Variants in FIBP observed in about 807,000 individuals in gnomAD.
FIBP encodes FGF1 intracellular binding protein, also known as acidic fibroblast growth factor intracellular-binding protein.
A neutral mutation model predicts 40.5 loss-of-function variants in FIBP; 29 were observed. The ratio of observed to expected loss-of-function variants is 0.72; its 90% CI spans 0.53 to 0.98. The LOEUF (loss-of-function observed/expected upper bound fraction) is 0.98, where lower values mean the gene tolerates loss of function less well. Ranked by LOEUF, FIBP falls within the 50% of genes least tolerant of loss-of-function variation. The pLI, the probability that FIBP is intolerant of heterozygous loss-of-function variation, is 0.00. For missense variants in FIBP, 411 were observed against 470.2 expected, an observed-to-expected ratio of 0.87 and a Z score of 1.16; for synonymous variants, 215 against 191.1, an observed-to-expected ratio of 1.13 and a Z score of -1.03.
rs1273506596 is a variant in FIBP at position 65,888,440 on chromosome 11, G to A, written c.-22C>T. The A allele has an allele frequency of 1.3e-6, 2 of 1,548,504 alleles. No individual in the cohort carries two copies. Among genetic ancestry groups the A allele is most frequent in the South Asian group, 1.2e-5 (1 of 84,516 alleles). ...TCATGGCGACGCCCGGGGCCGCAGCGCCCCGAGCAGGAGCGAGCACTGCTC... is the reference window on the plus strand; with the variant it reads ...TCATGGCGACGCCCGGGGCCGCAGCACCCCGAGCAGGAGCGAGCACTGCTC... On this transcript the variant is annotated 5_prime_UTR_variant, in exon 1 of 10. Coordinates refer to ENST00000357519, the MANE Select transcript of FIBP (RefSeq NM_004214.5).
In FIBP at chr11:65,885,367, GGTGT is replaced by G. The variant is rs1184915076; in HGVS notation, c.646+159_646+162del. The stretch of plus-strand genomic sequence containing the variant: ...CAATGGGCCCTTTGTCTGCAGACAA[GGTGT>G]GTGTGGGGAAAACATTCTATGGGCA... On this transcript the variant is annotated intron_variant, in intron 5 of 9. Transcript: ENST00000357519. The G allele has an allele frequency of 7.3e-6, 7 of 952,608 alleles. No homozygotes were observed. In the South Asian group the frequency reaches 9.1e-5, roughly 12 times the overall value. The allele number at this position is 952,608 out of a possible 1,614,324, so 59.0% of individuals were successfully genotyped here.
At chr11:65,884,118 C>A in intron 9 of FIBP, 75 bp from the exon 10 acceptor site, 2 of 1,168,622 alleles carry the variant, frequency 1.7e-6, no homozygotes, top group South Asian at 2.6e-5. Flanking sequence ...TGCGTGCTTT[C>A]TACACCTTCA....
intron 4 of FIBP, chr11:65,885,998 T>A (rs779842290): frequency 6.8e-6 from 3 of 442,300 alleles, no homozygotes; most frequent in Non-Finnish European, 1.2e-5. Context: ...TGAATCCAGG[T>A]CAGTCTGGTC....
In FIBP at chr11:65,885,446, G is replaced by A. The variant is rs1404196782; in HGVS notation, c.646+84C>T. ...AACAGGAGCGGATGCCAGGAACTGA[G>A]GGCCTGTGGGAGAAACTACTGGTGG... On this transcript the variant is annotated intron_variant, in intron 5 of 9. Transcript: ENST00000357519. 7 of 1,526,618 alleles carry A rather than the reference G, an allele frequency of 4.6e-6. No individual in the cohort carries two copies. In the East Asian group the frequency reaches 6.8e-5, roughly 15 times the overall value. The allele number at this position is 1,526,618 out of a possible 1,614,324, so 94.6% of individuals were successfully genotyped here.
rs749835436 is a variant in FIBP, at chr11:65,886,313, G to C, written c.512+9C>G. 2.8e-5 allele frequency: 44 copies of C among 1,599,368 alleles called. No individual in the cohort carries two copies. The highest frequency in any genetic ancestry group is 3.6e-5 in the Non-Finnish European group (42 of 1,167,036). On this transcript the variant is annotated intron_variant, in intron 4 of 9. Coordinates refer to ENST00000357519, the MANE Select transcript of FIBP (RefSeq NM_004214.5). The stretch of plus-strand genomic sequence containing the variant: ...AGTGTGCGGGATGGGGAGGTGGCTA[G>C]CTCCTCACCTGGCCAACCGGTCAGA...
rs764395124 is a variant in FIBP at position 65,883,955 on chromosome 11, C to A, written c.*19G>T. 1 of 1,611,440 alleles carries A rather than the reference C, an allele frequency of 6.2e-7. No individual in the cohort carries two copies. Among genetic ancestry groups the A allele is most frequent in the African/African-American group, 1.3e-5 (1 of 74,976 alleles). Reference sequence around the variant, plus strand: ...AGAGCAACTTTATTGTCAGCGTGGGCGGAGCGTTGGGAGGCACCTCAGTCA... The same window carrying A: ...AGAGCAACTTTATTGTCAGCGTGGGAGGAGCGTTGGGAGGCACCTCAGTCA... On this transcript the variant is annotated 3_prime_UTR_variant, in exon 10 of 10. Transcript: ENST00000357519.
intron 6 of FIBP, 28 bp downstream of exon 6, chr11:65,885,050 C>A: frequency 6.2e-7 from 1 of 1,613,740 alleles, no homozygotes; most frequent in Non-Finnish European, 8.5e-7. Flanking sequence ...TACTGCAGGC[C>A]CCGCCCCATG....
rs191868502 is a variant in FIBP, at chr11:65,885,753, T to A, written c.513-90A>T. On this transcript the variant is annotated intron_variant, in intron 4 of 9. Transcript: ENST00000357519. ...TGCAACCTCAGCTGGGTGTCCGAGTTCTGGCCTCTCTCTGCCTCAAGTCAC... is the reference window on the plus strand; with the variant it reads ...TGCAACCTCAGCTGGGTGTCCGAGTACTGGCCTCTCTCTGCCTCAAGTCAC... The A allele has an allele frequency of 7.3e-5, 95 of 1,296,770 alleles. No homozygotes were observed. The African/African-American group carries it at 1.1e-3, about 15-fold the overall frequency. 80.3% of individuals were successfully genotyped at this position (1,296,770 alleles called of 1,614,324 possible). A position where few individuals can be genotyped will look rare whatever the true frequency, so the allele number is the denominator to read the frequency against.
At chr11:65,884,695 C>T (rs1328349422) in intron 7 of FIBP, 39 bp from the exon 8 acceptor site, 1 of 1,604,546 alleles carries the variant, frequency 6.2e-7, no homozygotes, top group South Asian at 1.1e-5. Context: ...CTTTCTGCCC[C>T]AGAAGTTGGC....
intron 2 of FIBP, 48 bp downstream of exon 2, chr11:65,887,886 T>G: frequency 6.3e-7 from 1 of 1,598,284 alleles, no homozygotes; most frequent in Non-Finnish European, 8.6e-7. Context: ...GCAAAATGGG[T>G]ATACAGTCAG....
In FIBP at chr11:65,886,290, T is replaced by A. The variant is rs376351590; in HGVS notation, c.512+32A>T. 6 of 1,465,044 alleles carry A rather than the reference T, an allele frequency of 4.1e-6. No individual in the cohort carries two copies. In the African/African-American group the frequency reaches 8.4e-5, roughly 20 times the overall value. 90.8% of individuals were successfully genotyped at this position (1,465,044 alleles called of 1,614,324 possible). Reference sequence around the variant, plus strand: ...ACGAGCCTCCGGGCCCAGGAAGTAGTGTGCGGGATGGGGAGGTGGCTAGCT... The same window carrying A: ...ACGAGCCTCCGGGCCCAGGAAGTAGAGTGCGGGATGGGGAGGTGGCTAGCT... On this transcript the variant is annotated intron_variant, in intron 4 of 9. Coordinates refer to ENST00000357519, the MANE Select transcript of FIBP (RefSeq NM_004214.5).
In FIBP at chr11:65,888,074, C is replaced by T; in HGVS notation, c.144G>A (p.Thr48=). ...RSGILEQTGA[T]AAVLQSDTMD... ...TGGTGTCGCTCTGCAGCACCGCTGC[C>T]GTGGCGCCAGTCTGCTCCAGGATTC... is the stretch of plus-strand genomic sequence containing the variant. Residue 48 remains threonine, a synonymous_variant, in exon 2 of 10, where the codon ACG becomes ACA. Transcript: ENST00000357519. The T allele has an allele frequency of 6.2e-7, 1 of 1,606,842 alleles. No homozygotes were observed.
chr11:65,886,648 C>G (rs1174819712), intron 3 of FIBP: 3 of 503,074 alleles, frequency 6.0e-6, no homozygotes, highest in African/African-American at 5.8e-5. Flanking sequence ...TAAATGTTTA[C>G]TCAATCTTAT....
chr11:65,887,254 T>C, intron 3 of FIBP: 1 of 363,112 alleles, frequency 2.8e-6, no homozygotes, highest in Non-Finnish European at 5.4e-6. Context: ...AAGACAAGCC[T>C]GGCCAACATG....
In FIBP at chr11:65,883,860, C is replaced by G. The variant is rs1860155520; in HGVS notation, c.*114G>C. On this transcript the variant is annotated 3_prime_UTR_variant, in exon 10 of 10. Coordinates refer to ENST00000357519, the MANE Select transcript of FIBP (RefSeq NM_004214.5). ...TCCTTGTACACGGACACCAGGTGCTCAGAGACAGACACAGGCACATCTGCA... is the reference window on the plus strand; with the variant it reads ...TCCTTGTACACGGACACCAGGTGCTGAGAGACAGACACAGGCACATCTGCA... The G allele has an allele frequency of 1.1e-6, 1 of 927,812 alleles. No homozygotes were observed. The highest frequency in any genetic ancestry group is 2.6e-5 in the East Asian group (1 of 39,006). 57.5% of individuals were successfully genotyped at this position (927,812 alleles called of 1,614,324 possible). A position where few individuals can be genotyped will look rare whatever the true frequency, so the allele number is the denominator to read the frequency against.
chr11:65,887,147 T>C lies in FIBP; in HGVS notation c.411+453A>G, dbSNP rs111791333. ...CTCTGGCCATACAGTACAGGATAGC[T>C]TGGAAGGCACAACAGGGAGCCAGGC... On this transcript the variant is annotated intron_variant, in intron 3 of 9. Coordinates refer to ENST00000357519, the MANE Select transcript of FIBP (RefSeq NM_004214.5). The C allele has an allele frequency of 1.6e-3, 514 of 330,914 alleles. 7 individuals carry two copies. Among genetic ancestry groups the C allele is most frequent in the African/African-American group, 0.01 (482 of 46,272 alleles). 20.5% of individuals were successfully genotyped at this position (330,914 alleles called of 1,614,324 possible).
chr11:65,886,333 G>T lies in FIBP; in HGVS notation c.501C>A (p.Asp167Glu). 6.2e-7 allele frequency: 1 copy of T among 1,613,046 alleles called. No individual in the cohort carries two copies. The highest frequency in any genetic ancestry group is 1.3e-5 in the African/African-American group (1 of 74,974). The change falls in exon 4 of 10, where the codon GAC (aspartate) becomes GAA (glutamate). Residue 167 changes from aspartate (D) to glutamate (E), a missense_variant. Transcript: ENST00000357519. ...GGCTAGCTCCTCACCTGGCCAACCG[G>T]TCAGAGAGGAGGAAGTGTTGCTGAA... ...DNIQQHFLLSDRLARDYAAIV... is the reference protein window; with the variant it reads ...DNIQQHFLLSERLARDYAAIV...
Position 65,884,560 on chromosome 11 carries a change from G to A in FIBP, c.906+10C>T, listed in dbSNP as rs538502379. On this transcript the variant is annotated intron_variant, in intron 8 of 9. Coordinates refer to ENST00000357519, the MANE Select transcript of FIBP (RefSeq NM_004214.5). The stretch of plus-strand genomic sequence containing the variant: ...GACCAGGTTGGGTGTCAGAGAGCAC[G>A]ACAGCTCACCTTCTCCACGAGGTCC... 6 of 1,614,012 alleles carry A rather than the reference G, an allele frequency of 3.7e-6. No individual in the cohort carries two copies. Among genetic ancestry groups the A allele is most frequent in the Admixed American group, 3.3e-5 (2 of 60,012 alleles).
chr11:65,886,881 C>T, intron 3 of FIBP: 1 of 169,258 alleles, frequency 5.9e-6, no homozygotes, highest in South Asian at 1.3e-4. Flanking sequence ...GGCATCTCAC[C>T]TCTTGTCTTG....
Sources: allele counts gnomAD v4.1 joint callset, GRCh38; gene constraint gnomAD v4.1.1; transcripts MANE v1.5; gene names NCBI Gene and HGNC (gene_info 2026-07-23, HGNC 2026-07-21).